Variants in NSMCE2 observed in about 807,000 individuals in gnomAD.
NSMCE2 encodes NSE2 SUMO ligase component of SMC5/6 complex.
A neutral mutation model predicts 23.8 loss-of-function variants in NSMCE2; 24 were observed. The ratio of observed to expected loss-of-function variants is 1.01; its 90% CI spans 0.73 to 1.42. The LOEUF (loss-of-function observed/expected upper bound fraction) is 1.42. Ranked by LOEUF, NSMCE2 falls within the 40% of genes most tolerant of loss-of-function variation. The probability of loss-of-function intolerance (pLI) is 0.00; values close to 1 mark genes in which losing one functional copy is unlikely to be tolerated. For missense variants in NSMCE2, 284 were observed against 296.5 expected (o/e 0.96, Z 0.31); for synonymous variants, 92 against 94.1 (o/e 0.98, Z 0.13).
chr8:125,180,311 A>G (rs960899107), intron 4 of NSMCE2, among the ~76,000 whole-genome samples: 4 of 152,226 alleles, frequency 2.6e-5, no homozygotes, highest in Admixed American at 2.0e-4. Flanking sequence ...TTGTCATTAA[A>G]GCCTCTCCAT....
At chr8:125,232,955 C>T (rs890043939) in intron 5 of NSMCE2, among the ~76,000 whole-genome samples, 4 of 152,126 alleles carry the variant, frequency 2.6e-5, no homozygotes, top group Admixed American at 6.5e-5. Context: ...ATGATGGTGA[C>T]CAACTGCATT....
intron 3 of NSMCE2, among the ~76,000 whole-genome samples, chr8:125,137,317 T>C (rs779396678): frequency 3.9e-5 from 6 of 152,182 alleles, no homozygotes; most frequent in Non-Finnish European, 7.4e-5. Flanking sequence ...TTGTCAGATA[T>C]CTTGGAATCT....
rs912712443 is a variant in NSMCE2 at position 125,247,317 on chromosome 8, A to G, written c.418+65061A>G. On this transcript the variant is annotated intron_variant, in intron 5 of 7. Transcript: ENST00000287437. Reference sequence around the variant, plus strand: ...CACTGCACTTGAGCATAGGTGACAGAGTGAGACATTGTCTCCAAAAAAAAA... The same window carrying G: ...CACTGCACTTGAGCATAGGTGACAGGGTGAGACATTGTCTCCAAAAAAAAA... Among the ~76,000 whole-genome samples, 5 of 152,264 alleles carry G rather than the reference A, an allele frequency of 3.3e-5. No individual in the cohort carries two copies. The East Asian group carries it at 9.6e-4, about 29-fold the overall frequency.
chr8:125,213,575 CCT>C (rs1416741146), intron 5 of NSMCE2, among the ~76,000 whole-genome samples: 1 of 134,136 alleles, frequency 7.5e-6, no homozygotes, highest in East Asian at 2.5e-4. Context: ...CTCCCCCTCC[CCT>C]CTTTCCTTTC....
intron 5 of NSMCE2, among the ~76,000 whole-genome samples, chr8:125,190,187 C>T (rs1398434691): frequency 1.3e-5 from 2 of 152,204 alleles, no homozygotes; most frequent in Non-Finnish European, 2.9e-5. Flanking sequence ...CTCTTTCCTC[C>T]TCTCTGAGTC....
intron 5 of NSMCE2, among the ~76,000 whole-genome samples, chr8:125,354,846 C>G (rs1487867689): frequency 6.6e-6 from 1 of 152,150 alleles, no homozygotes; most frequent in African/African-American, 2.4e-5. Flanking sequence ...TTGAGCATCC[C>G]TAATCCCAAA....
Position 125,182,128 on chromosome 8 carries a change from T to C in NSMCE2, c.290T>C (p.Ile97Thr). 1 of 1,599,020 alleles carries C rather than the reference T, an allele frequency of 6.3e-7. No individual in the cohort carries two copies. Among genetic ancestry groups the C allele is most frequent in the Non-Finnish European group, 8.5e-7 (1 of 1,175,098 alleles). The stretch of plus-strand genomic sequence containing the variant: ...GTGAAAGAAGAACGTCCAGAAAAAA[T>C]ACCAGATTTAAAATTATTGGTAGAG... ...NHVKEERPEKIPDLKLLVEKK... is the reference protein window; with the variant it reads ...NHVKEERPEKTPDLKLLVEKK... The change falls in exon 5 of 8, where the codon ATA (isoleucine) becomes ACA (threonine). Residue 97 changes from isoleucine to threonine, a missense_variant. This residue lies in a region of NSMCE2 where 182 missense variants were observed against 155.5 expected (regional missense o/e 1.17). Coordinates refer to ENST00000287437, the MANE Select transcript of NSMCE2 (RefSeq NM_173685.4).
intron 5 of NSMCE2, among the ~76,000 whole-genome samples, chr8:125,332,751 C>T (rs1445244416): frequency 6.6e-6 from 1 of 152,194 alleles, no homozygotes; most frequent in African/African-American, 2.4e-5. Flanking sequence ...TTACAAGAAG[C>T]TTGCTCAGGG....
intron 5 of NSMCE2, among the ~76,000 whole-genome samples, chr8:125,188,911 A>T (rs555708121): frequency 1.3e-5 from 2 of 152,300 alleles, no homozygotes; most frequent in African/African-American, 4.8e-5. Flanking sequence ...AAGACTAGTG[A>T]TTGGAAAGGT....
At chr8:125,119,108 CT>C (rs1487170721) in intron 3 of NSMCE2, among the ~76,000 whole-genome samples, 6 of 152,062 alleles carry the variant, frequency 3.9e-5, no homozygotes. Flanking sequence ...GAGTAGTTTC[CT>C]TTTTAAGAGC....
At chr8:125,278,260 T>C (rs1236836765) in intron 5 of NSMCE2, among the ~76,000 whole-genome samples, 3 of 152,244 alleles carry the variant, frequency 2.0e-5, no homozygotes, top group African/African-American at 7.2e-5. Flanking sequence ...GAGTGCCACA[T>C]TCCTGCGGAG....
chr8:125,164,045 A>G, intron 4 of NSMCE2, among the ~76,000 whole-genome samples: 1 of 152,136 alleles, frequency 6.6e-6, no homozygotes, highest in Non-Finnish European at 1.5e-5. Context: ...TAGCTTCCCC[A>G]CTTATTTAAT....
intron 5 of NSMCE2, among the ~76,000 whole-genome samples, chr8:125,262,154 G>A (rs576335965): frequency 8.6e-5 from 13 of 151,380 alleles, no homozygotes; most frequent in East Asian, 7.8e-4. Context: ...GGCCGGGTGC[G>A]ATGGCTCACA....
At chr8:125,333,116 G>A (rs1829937857) in intron 5 of NSMCE2, among the ~76,000 whole-genome samples, 1 of 152,032 alleles carries the variant, frequency 6.6e-6, no homozygotes, top group African/African-American at 2.4e-5. Context: ...CTCCAGACCT[G>A]CCGAATCAGA....
intron 5 of NSMCE2, among the ~76,000 whole-genome samples, chr8:125,189,457 T>A (rs1166424722): frequency 1.3e-5 from 2 of 152,236 alleles, no homozygotes; most frequent in African/African-American, 4.8e-5. Flanking sequence ...TGCCTGGGCC[T>A]GTCCAGACAT....
At chr8:125,128,828 C>T (rs928445027) in intron 3 of NSMCE2, among the ~76,000 whole-genome samples, 3 of 152,172 alleles carry the variant, frequency 2.0e-5, no homozygotes, top group African/African-American at 2.4e-5. Context: ...TCATTAATAA[C>T]GGGCCTTGTG....
rs566729277 is a variant in NSMCE2 at position 125,207,398 on chromosome 8, A to G, written c.418+25142A>G. 5.3e-5 allele frequency among the ~76,000 whole-genome samples: 8 copies of G among 152,342 alleles called. No homozygotes were observed. The South Asian group carries it at 1.5e-3, about 28-fold the overall frequency. On this transcript the variant is annotated intron_variant, in intron 5 of 7. Transcript: ENST00000287437. ...AGATAATATTTTAAAAAATCAGTTCATCCCAAAGCTAGCAATTACTTTTTA... is the reference window on the plus strand; with the variant it reads ...AGATAATATTTTAAAAAATCAGTTCGTCCCAAAGCTAGCAATTACTTTTTA...
intron 5 of NSMCE2, among the ~76,000 whole-genome samples, chr8:125,211,457 A>G (rs1481356911): frequency 1.3e-5 from 2 of 152,222 alleles, no homozygotes; most frequent in African/African-American, 2.4e-5. Context: ...TTTAATGGCT[A>G]TATAAAATAG....
chr8:125,184,224 T>A (rs1353028503), intron 5 of NSMCE2, among the ~76,000 whole-genome samples: 1 of 152,342 alleles, frequency 6.6e-6, no homozygotes, highest in East Asian at 1.9e-4. Flanking sequence ...TGTTATTGTT[T>A]ACAAAGTTAT....
Sources: allele counts gnomAD v4.1 joint callset (sites outside exome capture counted in the v4.1 genomes callset), GRCh38; gene constraint gnomAD v4.1.1; regional missense constraint gnomAD v4.1.1; transcripts MANE v1.5; gene names NCBI Gene and HGNC (gene_info 2026-07-23, HGNC 2026-07-21).